Variants in TSHZ2 observed in about 807,000 individuals in gnomAD.
TSHZ2 encodes the protein teashirt homolog 2.
A neutral mutation model predicts 74.4 loss-of-function variants in TSHZ2; 21 were observed. The ratio of observed to expected loss-of-function variants is 0.28; its 90% CI spans 0.20 to 0.41. TSHZ2 has a LOEUF of 0.41. TSHZ2 is among the 10% of genes least tolerant of loss of function. TSHZ2 has a pLI of 1.00. For synonymous variants in TSHZ2, 540 were observed against 515.3 expected (o/e 1.05, Z -0.65); for missense variants, 1,244 against 1,293.5 (o/e 0.96, Z 0.59).
chr20:53,433,699 C>A (rs1983935258), intron 2 of TSHZ2, among the ~76,000 whole-genome samples: 1 of 151,562 alleles, frequency 6.6e-6, no homozygotes, highest in African/African-American at 2.4e-5. Flanking sequence ...AGGGACTAAT[C>A]CAGTAGCAAG....
intron 1 of TSHZ2, among the ~76,000 whole-genome samples, chr20:53,025,716 A>G (rs1429392645): frequency 1.3e-5 from 2 of 152,178 alleles, no homozygotes; most frequent in East Asian, 1.9e-4. Context: ...TATAAATTCA[A>G]TTTCTTATAT....
intron 1 of TSHZ2, among the ~76,000 whole-genome samples, chr20:53,181,156 C>T (rs1375992015): frequency 6.6e-6 from 1 of 152,182 alleles, no homozygotes; most frequent in Non-Finnish European, 1.5e-5. Context: ...TACCCTGGCC[C>T]CGCTAGATAA....
chr20:53,030,998 T>C (rs968713266), intron 1 of TSHZ2, among the ~76,000 whole-genome samples: 3 of 152,336 alleles, frequency 2.0e-5, no homozygotes, highest in Admixed American at 6.5e-5. Flanking sequence ...TTGCTGAATG[T>C]GGGCTTTATT....
At position 53,253,830 on chromosome 20, in the gene TSHZ2, A is replaced by C. The variant is rs1459981965; in HGVS notation, c.372A>C (p.Lys124Asn). The change falls in exon 2 of 3, where the codon AAA (lysine) becomes AAC (asparagine). Residue 124 changes from lysine (K) to asparagine (N), a missense_variant. Physicochemically the swap from Lys to Asn is moderately conservative, Grantham distance 94 (BLOSUM62 0). Transcript: ENST00000371497. ...ACGAAGCACACAATTGCATGGATAAAATGACCGCTGTCTACGCCAACATCC... is the reference window on the plus strand; with the variant it reads ...ACGAAGCACACAATTGCATGGATAACATGACCGCTGTCTACGCCAACATCC... ...LPNEAHNCMDKMTAVYANILS... is the reference protein window; with the variant it reads ...LPNEAHNCMDNMTAVYANILS... The C allele has an allele frequency of 6.2e-7, 1 of 1,614,144 alleles. No individual in the cohort carries two copies. Among genetic ancestry groups the C allele is most frequent in the South Asian group, 1.1e-5 (1 of 91,072 alleles).
At chr20:53,164,265 G>C (rs1002659078) in intron 1 of TSHZ2, among the ~76,000 whole-genome samples, 2 of 152,106 alleles carry the variant, frequency 1.3e-5, no homozygotes, top group Non-Finnish European at 2.9e-5. Flanking sequence ...CTTCTCCCCA[G>C]TAGGAGAGAT....
intron 1 of TSHZ2, chr20:53,185,597 G>T: frequency 5.9e-6 from 9 of 1,530,166 alleles, no homozygotes; most frequent in Middle Eastern, 1.7e-4. Flanking sequence ...TCCAGCTGGG[G>T]ATACAGAGCA....
chr20:53,296,869 C>T (rs16997896), intron 2 of TSHZ2, among the ~76,000 whole-genome samples: 20,819 of 152,150 alleles, frequency 0.14, 1,520 homozygotes, highest in East Asian at 0.24. Context: ...GGTCTAGGGA[C>T]GCCATCACAA....
chr20:53,451,280 A>C (rs2145783113), intron 2 of TSHZ2, among the ~76,000 whole-genome samples: 1 of 152,368 alleles, frequency 6.6e-6, no homozygotes, highest in East Asian at 1.9e-4. Context: ...ACACCTACTC[A>C]TGCAACAGAG....
At chr20:53,187,988 T>A (rs1270960081) in intron 1 of TSHZ2, among the ~76,000 whole-genome samples, 1 of 152,154 alleles carries the variant, frequency 6.6e-6, no homozygotes, top group African/African-American at 2.4e-5. Context: ...CCCTCAGAAA[T>A]GTGGCACGAA....
chr20:53,432,374 T>C (rs1222992398), intron 2 of TSHZ2, among the ~76,000 whole-genome samples: 1 of 152,262 alleles, frequency 6.6e-6, no homozygotes, highest in Non-Finnish European at 1.5e-5. Context: ...CACTCATCAG[T>C]TGATGGGCAC....
intron 1 of TSHZ2, among the ~76,000 whole-genome samples, chr20:53,015,859 C>T (rs1014079384): frequency 2.0e-5 from 3 of 152,098 alleles, no homozygotes. Flanking sequence ...GTGAAGTACA[C>T]CTTGCCCAGT....
At position 53,074,589 on chromosome 20, in the gene TSHZ2, G is replaced by A. The variant is rs1000625428; in HGVS notation, c.40+101256G>A. On this transcript the variant is annotated intron_variant, in intron 1 of 2. Coordinates refer to ENST00000371497, the MANE Select transcript of TSHZ2 (RefSeq NM_173485.6). The surrounding 1 kb of genome is among the most constrained non-coding windows in gnomAD (Gnocchi z 5.9). ...AAAACTTGCAAAACAATGAAGAAAG[G>A]AAAGAAAATAGTGATTGCTATGTCT... 1.1e-4 allele frequency among the ~76,000 whole-genome samples: 16 copies of A among 152,136 alleles called. 1 individual carries two copies. The highest frequency in any genetic ancestry group is 2.4e-4 in the Non-Finnish European group (16 of 68,012).
chr20:53,278,987 G>T (rs149671658), intron 2 of TSHZ2, among the ~76,000 whole-genome samples: 3 of 152,178 alleles, frequency 2.0e-5, no homozygotes, highest in African/African-American at 7.2e-5. Context: ...CACATATTTT[G>T]TATGTTATAT....
intron 2 of TSHZ2, among the ~76,000 whole-genome samples, chr20:53,414,686 TGAAAA>T (rs921377839): frequency 5.9e-5 from 9 of 152,122 alleles, no homozygotes; most frequent in Non-Finnish European, 1.3e-4. Flanking sequence ...AATTAAAAAA[TGAAAA>T]GAACAAGCCA....
At chr20:53,472,930 A>C (rs1301548123) in intron 2 of TSHZ2, among the ~76,000 whole-genome samples, 1 of 152,134 alleles carries the variant, frequency 6.6e-6, no homozygotes, top group Non-Finnish European at 1.5e-5. Flanking sequence ...CTCTCACCCG[A>C]ATACTGCGCT....
chr20:53,418,102 G>C (rs1322097407), intron 2 of TSHZ2, among the ~76,000 whole-genome samples: 2 of 152,212 alleles, frequency 1.3e-5, no homozygotes, highest in African/African-American at 4.8e-5. Flanking sequence ...GGTAAGGAAA[G>C]GTCTTGCTAT....
chr20:53,381,329 T>C (rs1235886212), intron 2 of TSHZ2, among the ~76,000 whole-genome samples: 1 of 152,178 alleles, frequency 6.6e-6, no homozygotes, highest in Non-Finnish European at 1.5e-5. Flanking sequence ...AATGAACCCA[T>C]TTGCTTGCCA....
intron 1 of TSHZ2, among the ~76,000 whole-genome samples, chr20:53,077,140 C>T (rs563147640): frequency 1.1e-4 from 17 of 152,220 alleles, no homozygotes; most frequent in Non-Finnish European, 2.1e-4. Flanking sequence ...AGGCCAGGCA[C>T]GATGGCCCAT....
chr20:53,155,520 A>C (rs1387696862), intron 1 of TSHZ2, among the ~76,000 whole-genome samples: 2 of 151,918 alleles, frequency 1.3e-5, no homozygotes, highest in Non-Finnish European at 2.9e-5. Context: ...TATCAGGGAC[A>C]GTCTCCCAGG....
Sources: gnomAD v4.1 joint callset for allele counts (sites outside exome capture counted in the v4.1 genomes callset) on GRCh38, gnomAD v4.1.1 for gene constraint, Gnocchi (gnomAD v3.1) non-coding constraint, MANE v1.5 for transcripts, NCBI Gene and HGNC (gene_info 2026-07-23, HGNC 2026-07-21) for gene names.